IDE: variants seen among roughly 807,000 people sequenced by gnomAD.
The protein encoded by IDE is insulin degrading enzyme.
Under a neutral mutation model 133.2 loss-of-function variants are expected in IDE, and 58 were observed. The ratio of observed to expected loss-of-function variants is 0.44; its 90% confidence interval spans 0.35 to 0.54. The LOEUF is 0.54. IDE is among the 20% of genes least tolerant of loss of function. The pLI is 0.00. For missense variants in IDE, 981 were observed against 1,234.0 expected, an observed-to-expected ratio of 0.79 and a Z score of 3.07; for synonymous variants, 396 against 421.3, an observed-to-expected ratio of 0.94 and a Z score of 0.73.
intron 1 of IDE, among the ~76,000 whole-genome samples, chr10:92,547,107 G>A (rs1015129832): frequency 6.6e-6 from 1 of 151,900 alleles, no homozygotes; most frequent in African/African-American, 2.4e-5. Context: ...TGTAAGATAG[G>A]GTCTCACTCC....
At chr10:92,514,865 C>A (rs936860462) in intron 5 of IDE, 55 bp downstream of exon 5, 4 of 1,470,314 alleles carry the variant, frequency 2.7e-6, no homozygotes, top group African/African-American at 2.8e-5. Flanking sequence ...TGTGAAAAAG[C>A]CAACATTAAA....
At chr10:92,566,550 T>TA (rs1843562569) in intron 1 of IDE, among the ~76,000 whole-genome samples, 1 of 151,892 alleles carries the variant, frequency 6.6e-6, no homozygotes, top group Non-Finnish European at 1.5e-5. Flanking sequence ...TTGTGGGATC[T>TA]AAAAATCAAA....
At chr10:92,521,998 G>GTGAT (rs1849249612) in intron 4 of IDE, among the ~76,000 whole-genome samples, 1 of 152,024 alleles carries the variant, frequency 6.6e-6, no homozygotes, top group South Asian at 2.1e-4. Context: ...CAGGGGCAGG[G>GTGAT]TGATGCACAC....
chr10:92,495,260 G>A (rs958872250), intron 11 of IDE, among the ~76,000 whole-genome samples: 6 of 136,014 alleles, frequency 4.4e-5, no homozygotes, highest in Admixed American at 1.7e-4. Context: ...TCACTCTGTT[G>A]CCCAGGCTGG....
chr10:92,539,955 TCCTAGGCCAGGC>T (rs1232169010), intron 1 of IDE, among the ~76,000 whole-genome samples: 1 of 151,850 alleles, frequency 6.6e-6, no homozygotes, highest in Non-Finnish European at 1.5e-5. Flanking sequence ...CAGATAACAG[TCCTAGGCCAGGC>T]ACAGTGACTC....
At chr10:92,509,452 G>A (rs936127884) in intron 6 of IDE, among the ~76,000 whole-genome samples, 3 of 151,918 alleles carry the variant, frequency 2.0e-5, no homozygotes, top group Non-Finnish European at 4.4e-5. Context: ...AATTAGCCAG[G>A]CACAGTGGCA....
chr10:92,459,893 G>A (rs912133114), intron 22 of IDE, among the ~76,000 whole-genome samples: 20 of 146,348 alleles, frequency 1.4e-4, no homozygotes, highest in African/African-American at 4.6e-4. Flanking sequence ...GCAGTGGTGC[G>A]ATCTCAGCTC....
chr10:92,554,739 C>T (rs113262183), intron 1 of IDE: 2,158 of 151,958 alleles, frequency 0.014, 20 homozygotes, highest in Non-Finnish European at 0.022. Flanking sequence ...CCCAGCTACT[C>T]GGGAGGCTGA....
At chr10:92,541,533 A>G (rs1040179030) in intron 1 of IDE, among the ~76,000 whole-genome samples, 1 of 152,192 alleles carries the variant, frequency 6.6e-6, no homozygotes, top group African/African-American at 2.4e-5. Flanking sequence ...CCAGACATTT[A>G]TATTTTTAAC....
intron 4 of IDE, among the ~76,000 whole-genome samples, chr10:92,529,640 C>G (rs1424121155): frequency 6.6e-6 from 1 of 151,616 alleles, no homozygotes; most frequent in Non-Finnish European, 1.5e-5. Flanking sequence ...CTTTGGGAGG[C>G]GAGGCAGGAA....
intron 11 of IDE, among the ~76,000 whole-genome samples, chr10:92,492,769 C>T (rs1477727949): frequency 6.6e-6 from 1 of 152,114 alleles, no homozygotes; most frequent in Non-Finnish European, 1.5e-5. Context: ...TTTGAGAATC[C>T]CAATCTCTGT....
intron 1 of IDE, among the ~76,000 whole-genome samples, chr10:92,538,778 C>CCAA (rs34593706): frequency 5.3e-4 from 22 of 41,490 alleles, no homozygotes; most frequent in African/African-American, 5.2e-4. Context: ...GCTTAATAGA[C>CCAA]AAAAAAAAAA....
intron 11 of IDE, among the ~76,000 whole-genome samples, chr10:92,499,200 T>C (rs1847879223): frequency 6.6e-6 from 1 of 152,132 alleles, no homozygotes; most frequent in African/African-American, 2.4e-5. Context: ...TCTTTTTTTT[T>C]TGAGATGGAG....
At chr10:92,524,838 C>T (rs938713067) in intron 4 of IDE, among the ~76,000 whole-genome samples, 2 of 151,858 alleles carry the variant, frequency 1.3e-5, no homozygotes, top group Non-Finnish European at 2.9e-5. Flanking sequence ...AGGAGAATTG[C>T]TTGAACACGG....
intron 1 of IDE, among the ~76,000 whole-genome samples, chr10:92,543,170 C>T (rs1021349789): frequency 6.6e-6 from 1 of 152,188 alleles, no homozygotes; most frequent in Non-Finnish European, 1.5e-5. Context: ...AATCCATCCA[C>T]CCACTCCCAA....
At chr10:92,461,739 A>AGATCT (rs1320436461) in intron 21 of IDE, among the ~76,000 whole-genome samples, 1 of 150,638 alleles carries the variant, frequency 6.6e-6, no homozygotes, top group Non-Finnish European at 1.5e-5. Flanking sequence ...ATCTCAGCTC[A>AGATCT]CTGTAAGCTC....
At chr10:92,475,082 C>G (rs1217820987) in intron 16 of IDE, 121 bp from the exon 17 acceptor site, 1 of 713,530 alleles carries the variant, frequency 1.4e-6, no homozygotes, top group African/African-American at 1.8e-5. Flanking sequence ...CCCTTCTTTC[C>G]CCTTTCTGAA....
intron 19 of IDE, 63 bp from the exon 20 acceptor site, chr10:92,465,906 T>C: frequency 4.5e-6 from 6 of 1,329,478 alleles, no homozygotes; most frequent in East Asian, 4.6e-5. Context: ...ATAAAGTCAA[T>C]GCTATGTCTG....
chr10:92,559,244 T>A (rs1303086754), intron 1 of IDE: 1 of 152,232 alleles, frequency 6.6e-6, no homozygotes, highest in African/African-American at 2.4e-5. Flanking sequence ...AGAGTTAGCA[T>A]ATGACCTAGC....
Sources: allele counts gnomAD v4.1 joint callset (sites outside exome capture counted in the v4.1 genomes callset), GRCh38; gene constraint gnomAD v4.1.1; transcripts MANE v1.5; gene names NCBI Gene and HGNC (gene_info 2026-07-23, HGNC 2026-07-21).